CFAP58: variants seen among roughly 807,000 people sequenced by gnomAD.
CFAP58 encodes the protein cilia- and flagella-associated protein 58.
A neutral mutation model predicts 119.5 loss-of-function variants in CFAP58; 88 were observed. That is an observed-to-expected ratio of 0.74 (90% CI 0.62 to 0.88). The LOEUF (loss-of-function observed/expected upper bound fraction) is 0.88. Ranked by LOEUF, CFAP58 falls within the 40% of genes least tolerant of loss-of-function variation. CFAP58 has a pLI of 0.00. For missense variants in CFAP58, 990 were observed against 1,021.2 expected (o/e 0.97, Z 0.42); for synonymous variants, 365 against 366.3 (o/e 1.00, Z 0.04).
intron 9 of CFAP58, among the ~76,000 whole-genome samples, chr10:104,382,736 A>C (rs1243887698): frequency 6.6e-6 from 1 of 152,112 alleles, no homozygotes. Context: ...TTCCTCCTTC[A>C]TTCTTTTCTT....
intron 7 of CFAP58, among the ~76,000 whole-genome samples, 197 bp downstream of exon 7, chr10:104,371,251 A>G (rs1336935080): frequency 2.0e-5 from 3 of 152,114 alleles, no homozygotes; most frequent in Non-Finnish European, 4.4e-5. Context: ...TACCTTAAAC[A>G]ATTCTTCCAC....
intron 9 of CFAP58, among the ~76,000 whole-genome samples, 186 bp from the exon 10 acceptor site, chr10:104,392,047 T>C (rs2012055940): frequency 6.6e-6 from 1 of 152,170 alleles, no homozygotes. Context: ...ATAGATAAAA[T>C]GTGTATTTGC....
At chr10:104,442,574 T>A (rs1417723006) in intron 15 of CFAP58, among the ~76,000 whole-genome samples, 4 of 143,690 alleles carry the variant, frequency 2.8e-5, no homozygotes, top group Non-Finnish European at 4.5e-5. Context: ...GGTGAGAGAG[T>A]GAGACTCCAT....
intron 3 of CFAP58, among the ~76,000 whole-genome samples, chr10:104,362,917 C>G (rs1339186324): frequency 6.6e-6 from 1 of 152,200 alleles, no homozygotes; most frequent in Middle Eastern, 3.2e-3. Context: ...GCCTCTCTAG[C>G]CTCGTGCGAG....
Position 104,379,577 on chromosome 10 carries a change from T to A in CFAP58, c.1174-452T>A, listed in dbSNP as rs905265085. Among the ~76,000 whole-genome samples, 5 of 152,352 alleles carry A rather than the reference T, an allele frequency of 3.3e-5. No individual in the cohort carries two copies. The South Asian group carries it at 1.0e-3, about 32-fold the overall frequency. ...TCTGCATTTTTATTAAGCTGCTTTT[T>A]ATCTTCCTTTGTAATCAAAGCCCAA... On this transcript the variant is annotated intron_variant, in intron 8 of 17. Transcript: ENST00000369704.
chr10:104,358,872 A>T (rs2014631577), intron 2 of CFAP58, among the ~76,000 whole-genome samples: 2 of 152,242 alleles, frequency 1.3e-5, no homozygotes, highest in South Asian at 4.1e-4. Flanking sequence ...TAGGAAAAAG[A>T]TTTAGAGATA....
chr10:104,415,008 C>T (rs999784905), intron 15 of CFAP58, among the ~76,000 whole-genome samples: 9 of 152,214 alleles, frequency 5.9e-5, no homozygotes, highest in African/African-American at 1.9e-4. Context: ...GGCCTGCCCA[C>T]CGCAGTCACT....
intron 7 of CFAP58, among the ~76,000 whole-genome samples, chr10:104,376,523 A>G (rs865853683): frequency 8.3e-5 from 12 of 144,042 alleles, no homozygotes; most frequent in African/African-American, 3.1e-4. Flanking sequence ...AAAAAAAAAG[A>G]AAAAAAAGCA....
In CFAP58 at chr10:104,438,367, TTTTTTTG is replaced by T. The variant is rs1467962578; in HGVS notation, c.2257-9324_2257-9318del. ...TTTTTTGTTTTTTTTTTTTGTTTTT[TTTTTTTG>T]TTTTTTTTTTTTGAGACGGAGTCTC... is the stretch of plus-strand genomic sequence containing the variant. On this transcript the variant is annotated intron_variant, in intron 15 of 17. Transcript: ENST00000369704. 1.9e-4 allele frequency among the ~76,000 whole-genome samples: 23 copies of T among 123,898 alleles called. No individual in the cohort carries two copies. In the South Asian group the frequency reaches 3.1e-3, roughly 17 times the overall value. 81.3% of individuals were successfully genotyped at this position (123,898 alleles called of 152,430 possible). A position where few individuals can be genotyped will look rare whatever the true frequency, so the allele number is the denominator to read the frequency against.
At chr10:104,353,934 T>C in intron 1 of CFAP58, 28 bp downstream of exon 1, 1 of 1,612,802 alleles carries the variant, frequency 6.2e-7, no homozygotes, top group Non-Finnish European at 8.5e-7. Context: ...CTCTGTCGCC[T>C]TTCCCTTGAC....
Position 104,424,816 on chromosome 10 carries a change from G to A in CFAP58, c.2256+18023G>A, listed in dbSNP as rs1206575153. ...TGTGCATACCAAAAGAATAAGAGCAGGGGAGATGAGTAAGAACTGGCTTCC... is the reference window on the plus strand; with the variant it reads ...TGTGCATACCAAAAGAATAAGAGCAAGGGAGATGAGTAAGAACTGGCTTCC... On this transcript the variant is annotated intron_variant, in intron 15 of 17. Coordinates refer to ENST00000369704, the MANE Select transcript of CFAP58 (RefSeq NM_001008723.2). 2.0e-5 allele frequency among the ~76,000 whole-genome samples: 3 copies of A among 152,316 alleles called. No homozygotes were observed. The East Asian group carries it at 5.8e-4, about 29-fold the overall frequency.
rs187830705 is a variant in CFAP58 at position 104,371,305 on chromosome 10, G to A, written c.1090+251G>A. ...TGACAATCCAACCTGAAGTATTATT[G>A]CTCAGTATTTGTCCATGGAGTAAAT... On this transcript the variant is annotated intron_variant, in intron 7 of 17. Coordinates refer to ENST00000369704, the MANE Select transcript of CFAP58 (RefSeq NM_001008723.2). 7.8e-4 allele frequency among the ~76,000 whole-genome samples: 118 copies of A among 152,254 alleles called. 2 individuals carry two copies. The highest frequency in any genetic ancestry group is 2.8e-3 in the African/African-American group (116 of 41,530).
At chr10:104,358,086 C>T (rs900196109) in intron 1 of CFAP58, among the ~76,000 whole-genome samples, 3 of 136,904 alleles carry the variant, frequency 2.2e-5, no homozygotes, top group Admixed American at 7.6e-5. Context: ...CATATATATA[C>T]ACACATATAT....
upstream of CFAP58, chr10:104,353,787 G>T: frequency 3.0e-6 from 4 of 1,354,312 alleles, no homozygotes; most frequent in Non-Finnish European, 4.0e-6. Context: ...GTTTCCGCTC[G>T]GGGCGGGCGA....
At chr10:104,361,012 G>A (rs1024340743) in intron 2 of CFAP58, among the ~76,000 whole-genome samples, 1 of 152,134 alleles carries the variant, frequency 6.6e-6, no homozygotes, top group African/African-American at 2.4e-5. Context: ...GTACCAAGAG[G>A]ATGGTGCTAA....
Position 104,376,878 on chromosome 10 carries a change from G to C in CFAP58, c.1158G>C (p.Arg386Ser). ...RKAMDELLRE[R>S]DILNKNMLKA... is the part of the protein sequence containing the mutation. ...CAATGGACGAGCTTCTAAGAGAAAGGGACATACTAAATAAGGTGAGTGTGT... is the reference window on the plus strand; with the variant it reads ...CAATGGACGAGCTTCTAAGAGAAAGCGACATACTAAATAAGGTGAGTGTGT... Residue 386 changes from arginine (R) to serine (S), a missense_variant, in exon 8 of 18, where the codon AGG (arginine) becomes AGC (serine). Arg to Ser is a moderately radical substitution (Grantham distance 110). Transcript: ENST00000369704. The C allele has an allele frequency of 1.2e-6, 2 of 1,612,672 alleles. No individual in the cohort carries two copies. Among genetic ancestry groups the C allele is most frequent in the Non-Finnish European group, 1.7e-6 (2 of 1,178,990 alleles).
At chr10:104,430,899 A>AT (rs1456548517) in intron 15 of CFAP58, among the ~76,000 whole-genome samples, 1 of 152,226 alleles carries the variant, frequency 6.6e-6, no homozygotes, top group African/African-American at 2.4e-5. Flanking sequence ...GATATTTTAT[A>AT]TTTTTTGTAC....
chr10:104,440,270 A>AT (rs1444270039), intron 15 of CFAP58, among the ~76,000 whole-genome samples: 1 of 152,048 alleles, frequency 6.6e-6, no homozygotes, highest in Non-Finnish European at 1.5e-5. Flanking sequence ...ACACAATTCT[A>AT]TTTTTTGCAT....
chr10:104,399,867 A>G (rs74154800), intron 12 of CFAP58, among the ~76,000 whole-genome samples: 5,797 of 152,202 alleles, frequency 0.038, 283 homozygotes, highest in African/African-American at 0.12. Flanking sequence ...GCCTCCCTCA[A>G]ACCTTATCAC....
Sources: gnomAD v4.1 joint callset for allele counts (sites outside exome capture counted in the v4.1 genomes callset) on GRCh38, gnomAD v4.1.1 for gene constraint, MANE v1.5 for transcripts, NCBI Gene and HGNC (gene_info 2026-07-23, HGNC 2026-07-21) for gene names.